The following PPP4R1 variants were observed in gnomAD, a reference collection of about 807,000 sequenced individuals.
PPP4R1 encodes the protein protein phosphatase 4 regulatory subunit 1, also known as serine/threonine-protein phosphatase 4 regulatory subunit 1.
In PPP4R1, 42 loss-of-function variants were observed where a neutral mutation model predicts 111.2. The ratio of observed to expected loss-of-function variants is 0.38; its 90% CI spans 0.29 to 0.49. The LOEUF (loss-of-function observed/expected upper bound fraction) is 0.49. Among genes scored for constraint, PPP4R1 ranks in the 20% least tolerant of loss-of-function variants. The pLI, the probability that PPP4R1 is intolerant of heterozygous loss-of-function variation, is 0.97. For synonymous variants in PPP4R1, 409 were observed against 405.5 expected, an observed-to-expected ratio of 1.01 and a Z score of -0.10; for missense variants, 1,012 against 1,161.6, an observed-to-expected ratio of 0.87 and a Z score of 1.87.
rs2067164298 is a variant in PPP4R1 at position 9,588,855 on chromosome 18, T to C, written c.296-2A>G. ...TCAGCTCCGCTCTCACAGTTGGTTC[T>C]ATTGAAATAACGGCAATGTGAGCAA... is the stretch of plus-strand genomic sequence containing the variant. On this transcript the variant is annotated splice_acceptor_variant, in intron 4 of 19. Coordinates refer to ENST00000400556, the MANE Select transcript of PPP4R1 (RefSeq NM_001042388.3). LOFTEE classifies it high-confidence loss of function. 6.2e-7 allele frequency: 1 copy of C among 1,611,394 alleles called. No individual in the cohort carries two copies. The highest frequency in any genetic ancestry group is 8.5e-7 in the Non-Finnish European group (1 of 1,179,304).
chr18:9,550,081 C>T lies in PPP4R1; in HGVS notation c.2518G>A (p.Gly840Ser). 1 of 1,614,190 alleles carries T rather than the reference C, an allele frequency of 6.2e-7. No individual in the cohort carries two copies. Among genetic ancestry groups the T allele is most frequent in the Non-Finnish European group, 8.5e-7 (1 of 1,180,040 alleles). ...ENFGRCPKWS[G>S]RQAFVFVCQT... Reference sequence around the variant, plus strand: ...CAGACAAAGACAAAGGCTTGCCGACCAGACCACTTGGGACATCTGCCAAAG... The same window carrying T: ...CAGACAAAGACAAAGGCTTGCCGACTAGACCACTTGGGACATCTGCCAAAG... Residue 840 changes from glycine (G) to serine (S), a missense_variant, in exon 18 of 20, where the codon GGT becomes AGT. Physicochemically the swap from Gly to Ser is moderately conservative, Grantham distance 56. Coordinates refer to ENST00000400556, the MANE Select transcript of PPP4R1 (RefSeq NM_001042388.3).
At chr18:9,583,025 A>G in intron 9 of PPP4R1, 92 bp downstream of exon 9, 1 of 1,128,280 alleles carries the variant, frequency 8.9e-7, no homozygotes, top group South Asian at 2.4e-5. Context: ...TATATCTTAA[A>G]TTATAAGTTA....
intron 15 of PPP4R1, among the ~76,000 whole-genome samples, chr18:9,556,799 A>T (rs527694814): frequency 1.3e-5 from 2 of 152,178 alleles, no homozygotes; most frequent in Non-Finnish European, 2.9e-5. Flanking sequence ...TGTCCCAACC[A>T]GATTGAAAAT....
At chr18:9,608,575 G>T (rs991124215) in intron 2 of PPP4R1, among the ~76,000 whole-genome samples, 1 of 152,224 alleles carries the variant, frequency 6.6e-6, no homozygotes, top group African/African-American at 2.4e-5. Flanking sequence ...GCTAAAAGCA[G>T]AGCAAGTTCC....
upstream of PPP4R1, among the ~76,000 whole-genome samples, chr18:9,615,713 C>G (rs1239357143): frequency 6.6e-6 from 1 of 152,184 alleles, no homozygotes; most frequent in South Asian, 2.1e-4. Flanking sequence ...GTCATGGTGC[C>G]ACTTTGGCGA....
chr18:9,607,829 C>T (rs796092325), intron 2 of PPP4R1, among the ~76,000 whole-genome samples: 3 of 144,890 alleles, frequency 2.1e-5, no homozygotes. Flanking sequence ...GTTGCCCAGG[C>T]TGGAGTGCAA....
In PPP4R1 at chr18:9,557,372, C is replaced by T; in HGVS notation, c.2039G>A (p.Arg680Gln). 1 of 1,600,404 alleles carries T rather than the reference C, an allele frequency of 6.2e-7. No homozygotes were observed. Among genetic ancestry groups the T allele is most frequent in the Non-Finnish European group, 8.5e-7 (1 of 1,176,430 alleles). The change falls in exon 15 of 20, where the codon CGA (arginine) becomes CAA (glutamine). Residue 680 changes from arginine (R) to glutamine (Q), a missense_variant. This residue lies in a region of PPP4R1 where 305 missense variants were observed against 419.5 expected (regional missense o/e 0.73). Coordinates refer to ENST00000400556, the MANE Select transcript of PPP4R1 (RefSeq NM_001042388.3). ...GTGGATGGAGAATGCTAGAGTTCGTCGAACTTTCCACTGCAGAAATGAAAA... is the reference window on the plus strand; with the variant it reads ...GTGGATGGAGAATGCTAGAGTTCGTTGAACTTTCCACTGCAGAAATGAAAA... The part of the protein sequence containing the change: ...TLASDMQWKV[R>Q]RTLAFSIHEL...
chr18:9,553,672 C>A (rs1598888114), intron 15 of PPP4R1, among the ~76,000 whole-genome samples: 1 of 152,200 alleles, frequency 6.6e-6, no homozygotes, highest in African/African-American at 2.4e-5. Flanking sequence ...CACGCTAAAC[C>A]CCACAGTACC....
chr18:9,588,381 C>T lies in PPP4R1; in HGVS notation c.439-146G>A. The T allele has an allele frequency of 4.2e-6, 4 of 956,474 alleles. No homozygotes were observed. In the South Asian group the frequency reaches 7.1e-5, roughly 17 times the overall value. 59.2% of individuals were successfully genotyped at this position (956,474 alleles called of 1,614,324 possible). A position where few individuals can be genotyped will look rare whatever the true frequency, so the allele number is the denominator to read the frequency against. ...AATAAATATTTGTGTTTATTTTCTT[C>T]AACTATTACAAAGACTACAGAACTT... On this transcript the variant is annotated intron_variant, in intron 5 of 19. Coordinates refer to ENST00000400556, the MANE Select transcript of PPP4R1 (RefSeq NM_001042388.3).
At chr18:9,600,932 T>C (rs761832267) in intron 2 of PPP4R1, among the ~76,000 whole-genome samples, 1 of 151,966 alleles carries the variant, frequency 6.6e-6, no homozygotes. Flanking sequence ...TGAGACAAAA[T>C]AGATCAAAGA....
intron 9 of PPP4R1, among the ~76,000 whole-genome samples, chr18:9,578,431 T>C (rs1258570560): frequency 6.6e-6 from 1 of 151,984 alleles, no homozygotes; most frequent in African/African-American, 2.4e-5. Flanking sequence ...CAGAGACAAG[T>C]CCTTGCTATG....
intron 9 of PPP4R1, among the ~76,000 whole-genome samples, chr18:9,581,513 T>C (rs2067028853): frequency 6.6e-6 from 1 of 151,056 alleles, no homozygotes; most frequent in East Asian, 2.0e-4. Context: ...TCAATAGAGA[T>C]TATGCAAGCC....
intron 9 of PPP4R1, among the ~76,000 whole-genome samples, chr18:9,581,387 A>C (rs1480775812): frequency 6.6e-6 from 1 of 152,182 alleles, no homozygotes; most frequent in Non-Finnish European, 1.5e-5. Context: ...AAATTACAAA[A>C]AAGAACCAGA....
chr18:9,599,437 A>C lies in PPP4R1; in HGVS notation c.53-4284T>G, dbSNP rs1455672001. Among the ~76,000 whole-genome samples, 7 of 152,330 alleles carry C rather than the reference A, an allele frequency of 4.6e-5. 1 individual carries two copies. The Middle Eastern group carries it at 0.01, about 222-fold the overall frequency. ...GAAAAAGAGAATAAAGGGAACAAGG[A>C]AGAGATGGGACAACAAATGAGAAAC... On this transcript the variant is annotated intron_variant, in intron 2 of 19. Coordinates refer to ENST00000400556, the MANE Select transcript of PPP4R1 (RefSeq NM_001042388.3).
intron 11 of PPP4R1, among the ~76,000 whole-genome samples, chr18:9,565,090 ATG>A: frequency 6.6e-6 from 1 of 152,098 alleles, no homozygotes; most frequent in Non-Finnish European, 1.5e-5. Flanking sequence ...TTCCAACAGC[ATG>A]TGTTTACGCT....
chr18:9,570,090 T>A (rs998880926), intron 11 of PPP4R1, 67 bp downstream of exon 11: 8 of 1,457,042 alleles, frequency 5.5e-6, no homozygotes, highest in Non-Finnish European at 7.3e-6. Context: ...TGAAATGAAA[T>A]TTTTTTAAGA....
intron 9 of PPP4R1, among the ~76,000 whole-genome samples, chr18:9,580,669 C>T (rs1358647638): frequency 6.6e-6 from 1 of 152,116 alleles, no homozygotes; most frequent in South Asian, 2.1e-4. Context: ...CTCCTTGTAA[C>T]GCCTCCAGTG....
chr18:9,553,251 C>T, intron 16 of PPP4R1, 71 bp downstream of exon 16: 1 of 1,231,088 alleles, frequency 8.1e-7, no homozygotes, highest in Non-Finnish European at 1.2e-6. Context: ...AATGAAGAAA[C>T]TGAGAAAATG....
intron 9 of PPP4R1, among the ~76,000 whole-genome samples, chr18:9,579,223 G>A (rs2066986672): frequency 6.6e-6 from 1 of 151,992 alleles, no homozygotes; most frequent in Non-Finnish European, 1.5e-5. Context: ...TCTACTTTGA[G>A]CTATTCCTCA....
Sources: gnomAD v4.1 joint callset for allele counts (sites outside exome capture counted in the v4.1 genomes callset) on GRCh38, gnomAD v4.1.1 for gene constraint, gnomAD v4.1.1 regional missense constraint, MANE v1.5 for transcripts, NCBI Gene and HGNC (gene_info 2026-07-23, HGNC 2026-07-21) for gene names.